NXPH1: variants seen among roughly 807,000 people sequenced by gnomAD.
NXPH1 encodes the protein neurexophilin-1.
In NXPH1, 5 loss-of-function variants were observed where a neutral mutation model predicts 23.7. The observed-to-expected ratio is 0.21, with a 90% confidence interval of 0.11 to 0.44. The LOEUF (loss-of-function observed/expected upper bound fraction) is 0.44, where lower values mean the gene tolerates loss of function less well. NXPH1 is among the 20% of genes least tolerant of loss of function. The probability of loss-of-function intolerance (pLI) is 0.99; values close to 1 mark genes in which losing one functional copy is unlikely to be tolerated. For missense variants in NXPH1, 324 were observed against 321.6 expected (o/e 1.01, Z -0.06); for synonymous variants, 144 against 122.2 (o/e 1.18, Z -1.18).
In NXPH1 at chr7:8,577,323, C is replaced by A. The variant is rs906454491; in HGVS notation, c.54+141556C>A. Among the ~76,000 whole-genome samples, 36 of 152,126 alleles carry A rather than the reference C, an allele frequency of 2.4e-4. 1 individual carries two copies. Among genetic ancestry groups the A allele is most frequent in the African/African-American group, 7.7e-4 (32 of 41,414 alleles). ...GATCAAGTAAGACTGCATTCAGAAACCTGGGAATTGTTGCAGGGGTATGTG... is the reference window on the plus strand; with the variant it reads ...GATCAAGTAAGACTGCATTCAGAAAACTGGGAATTGTTGCAGGGGTATGTG... On this transcript the variant is annotated intron_variant, in intron 2 of 2. Coordinates refer to ENST00000405863, the MANE Select transcript of NXPH1 (RefSeq NM_152745.3).
intron 2 of NXPH1, among the ~76,000 whole-genome samples, chr7:8,550,024 C>T (rs896218064): frequency 7.9e-5 from 12 of 151,552 alleles, no homozygotes; most frequent in Non-Finnish European, 1.2e-4. Context: ...TTTTGTTTCT[C>T]AGTTAGAAAG....
intron 2 of NXPH1, among the ~76,000 whole-genome samples, chr7:8,674,085 T>A (rs533814052): frequency 2.8e-4 from 43 of 152,196 alleles, no homozygotes; most frequent in African/African-American, 1.0e-3. Context: ...TTTTTTCTAT[T>A]GTGAAAATAT....
chr7:8,680,807 G>C (rs1166056960), intron 2 of NXPH1, among the ~76,000 whole-genome samples: 1 of 152,210 alleles, frequency 6.6e-6, no homozygotes, highest in African/African-American at 2.4e-5. Flanking sequence ...GGATACCTGT[G>C]ATCAGCATCT....
intron 2 of NXPH1, among the ~76,000 whole-genome samples, chr7:8,480,100 G>T (rs994977928): frequency 2.0e-5 from 3 of 152,066 alleles, no homozygotes; most frequent in African/African-American, 7.2e-5. Flanking sequence ...AGATGTTTGA[G>T]ATTTGGATGG....
intron 2 of NXPH1, among the ~76,000 whole-genome samples, chr7:8,554,486 G>T (rs759446196): frequency 1.3e-5 from 2 of 151,670 alleles, no homozygotes; most frequent in African/African-American, 4.8e-5. Context: ...TAAATGAGCT[G>T]CAGTCCTCTG....
At chr7:8,516,236 A>G (rs1309982229) in intron 2 of NXPH1, among the ~76,000 whole-genome samples, 2 of 152,008 alleles carry the variant, frequency 1.3e-5, no homozygotes, top group Non-Finnish European at 2.9e-5. Context: ...CGTCTACTAT[A>G]TCTCTTTCCT....
rs942229891 is a variant in NXPH1, at chr7:8,464,751, T to C, written c.54+28984T>C. Among the ~76,000 whole-genome samples the C allele has an allele frequency of 2.0e-4, 26 of 129,190 alleles. No individual in the cohort carries two copies. The South Asian group carries it at 4.4e-3, about 22-fold the overall frequency. 84.8% of individuals were successfully genotyped at this position (129,190 alleles called of 152,430 possible). A position where few individuals can be genotyped will look rare whatever the true frequency, so the allele number is the denominator to read the frequency against. ...GCACAGAGCAAATGTGTAATGCGTG[T>C]AGTGTTTTTTTTTGTACTTGAATAC... On this transcript the variant is annotated intron_variant, in intron 2 of 2. Transcript: ENST00000405863.
chr7:8,719,528 T>A (rs1272037334), intron 2 of NXPH1, among the ~76,000 whole-genome samples: 1 of 152,220 alleles, frequency 6.6e-6, no homozygotes, highest in Non-Finnish European at 1.5e-5. Flanking sequence ...TAATTTCACA[T>A]TCTAAAAGTA....
intron 2 of NXPH1, among the ~76,000 whole-genome samples, chr7:8,614,809 A>G (rs1355478377): frequency 2.0e-5 from 3 of 152,032 alleles, no homozygotes; most frequent in Non-Finnish European, 4.4e-5. Flanking sequence ...CTCTGTAAAG[A>G]TTTATCAAAA....
At chr7:8,479,405 G>A (rs1445168677) in intron 2 of NXPH1, among the ~76,000 whole-genome samples, 1 of 152,064 alleles carries the variant, frequency 6.6e-6, no homozygotes, top group African/African-American at 2.4e-5. Flanking sequence ...TTTTGTTGCA[G>A]AAGAAAGGAG....
chr7:8,605,427 T>C (rs2128628300), intron 2 of NXPH1, among the ~76,000 whole-genome samples: 1 of 152,232 alleles, frequency 6.6e-6, no homozygotes, highest in African/African-American at 2.4e-5. Context: ...ATCAAAACGG[T>C]GATGGATATT....
intron 2 of NXPH1, among the ~76,000 whole-genome samples, chr7:8,497,930 C>A (rs1442157107): frequency 1.3e-5 from 2 of 152,052 alleles, no homozygotes; most frequent in African/African-American, 4.8e-5. Context: ...GTCATGAAGT[C>A]CTTGCCCATA....
intron 2 of NXPH1, among the ~76,000 whole-genome samples, chr7:8,529,460 G>C (rs942216482): frequency 6.6e-6 from 1 of 152,120 alleles, no homozygotes; most frequent in Non-Finnish European, 1.5e-5. Flanking sequence ...GAGATAAGGA[G>C]ACTTGATGGG....
At chr7:8,732,204 G>T (rs944105643) in intron 2 of NXPH1, among the ~76,000 whole-genome samples, 2 of 152,214 alleles carry the variant, frequency 1.3e-5, no homozygotes, top group African/African-American at 2.4e-5. Flanking sequence ...TTCGGCTCGT[G>T]CATGGTGCGC....
At chr7:8,744,856 C>G (rs556297978) in intron 2 of NXPH1, among the ~76,000 whole-genome samples, 39 of 152,266 alleles carry the variant, frequency 2.6e-4, no homozygotes, top group African/African-American at 9.4e-4. Context: ...TCATTTCTTC[C>G]TCTTTTTCTC....
chr7:8,663,797 G>T (rs989211), intron 2 of NXPH1, among the ~76,000 whole-genome samples: 93,527 of 151,888 alleles, frequency 0.62, 30,266 homozygotes, highest in Middle Eastern at 0.75. Context: ...TCCAATGTCT[G>T]ATAGTCTTAA....
intron 2 of NXPH1, among the ~76,000 whole-genome samples, chr7:8,638,321 G>A (rs1820251733): frequency 6.6e-6 from 1 of 152,128 alleles, no homozygotes; most frequent in South Asian, 2.1e-4. Flanking sequence ...AAAAAGCAGA[G>A]GGACCACCAG....
intron 2 of NXPH1, among the ~76,000 whole-genome samples, chr7:8,651,883 T>G (rs1478176534): frequency 6.6e-6 from 1 of 152,192 alleles, no homozygotes; most frequent in Admixed American, 6.6e-5. Flanking sequence ...TTTTGTGTAG[T>G]CTATTAATTT....
chr7:8,560,352 T>C (rs10234354), intron 2 of NXPH1, among the ~76,000 whole-genome samples: 10,013 of 151,712 alleles, frequency 0.066, 367 homozygotes, highest in Middle Eastern at 0.11. Flanking sequence ...TGAACATGGA[T>C]TTTCTAAAGA....
Sources: gnomAD v4.1 joint callset for allele counts (sites outside exome capture counted in the v4.1 genomes callset) on GRCh38, gnomAD v4.1.1 for gene constraint, MANE v1.5 for transcripts, NCBI Gene and HGNC (gene_info 2026-07-23, HGNC 2026-07-21) for gene names.